KPNA3: variants seen among roughly 807,000 people sequenced by gnomAD.
KPNA3 encodes the protein importin subunit alpha-4.
A neutral mutation model predicts 73.8 loss-of-function variants in KPNA3; 13 were observed. That is an observed-to-expected ratio of 0.18 (90% CI 0.11 to 0.28). The LOEUF is 0.28. KPNA3 is among the 10% of genes least tolerant of loss of function. The pLI, the probability that KPNA3 is intolerant of heterozygous loss-of-function variation, is 1.00. For synonymous variants in KPNA3, 186 were observed against 206.9 expected (o/e 0.90, Z 0.87); for missense variants, 360 against 618.1 (o/e 0.58, Z 4.43).
intron 2 of KPNA3, among the ~76,000 whole-genome samples, chr13:49,734,955 A>C (rs1186081919): frequency 1.2e-4 from 2 of 16,374 alleles, no homozygotes; most frequent in African/African-American, 2.1e-4. Flanking sequence ...AGAGATAGAT[A>C]GAGAGAGAGA....
chr13:49,740,473 G>A (rs1384347650), intron 2 of KPNA3, among the ~76,000 whole-genome samples: 1 of 151,972 alleles, frequency 6.6e-6, no homozygotes, highest in Non-Finnish European at 1.5e-5. Flanking sequence ...TTAAATTATG[G>A]GGGTGGGTCT....
chr13:49,708,128 TGGGACTACA>T (rs1218451285), intron 12 of KPNA3, among the ~76,000 whole-genome samples: 2 of 152,084 alleles, frequency 1.3e-5, no homozygotes, highest in Non-Finnish European at 2.9e-5. Context: ...CCTGAGTAGT[TGGGACTACA>T]GGCGTCTGCT....
intron 2 of KPNA3, among the ~76,000 whole-genome samples, chr13:49,746,460 G>C (rs1954618346): frequency 6.6e-6 from 1 of 152,132 alleles, no homozygotes; most frequent in Admixed American, 6.5e-5. Context: ...CCTGGACAGA[G>C]TGAAACGCTG....
In KPNA3 at chr13:49,792,594, A is replaced by T; in HGVS notation, c.-88T>A. ...GGAGCGGGAGGGGGAGGAGGGGGAGAGCGGGAGGGGGGAGGGGAGAGAAGA... is the reference window on the plus strand; with the variant it reads ...GGAGCGGGAGGGGGAGGAGGGGGAGTGCGGGAGGGGGGAGGGGAGAGAAGA... On this transcript the variant is annotated 5_prime_UTR_variant, in exon 1 of 17. Transcript: ENST00000261667. 1 of 90,480 alleles carries T rather than the reference A, an allele frequency of 1.1e-5. No individual in the cohort carries two copies. The highest frequency in any genetic ancestry group is 2.2e-5 in the Non-Finnish European group (1 of 45,676). 5.6% of individuals were successfully genotyped at this position (90,480 alleles called of 1,614,324 possible). A position where few individuals can be genotyped will look rare whatever the true frequency, so the allele number is the denominator to read the frequency against.
intron 1 of KPNA3, among the ~76,000 whole-genome samples, chr13:49,748,858 A>C (rs1226307355): frequency 6.6e-6 from 1 of 152,180 alleles, no homozygotes; most frequent in Non-Finnish European, 1.5e-5. Flanking sequence ...TGTCTTACGC[A>C]TAAGTTCATA....
At chr13:49,792,031 C>A (rs1955037699) in intron 1 of KPNA3, among the ~76,000 whole-genome samples, 1 of 152,164 alleles carries the variant, frequency 6.6e-6, no homozygotes, top group Non-Finnish European at 1.5e-5. Flanking sequence ...GGGGCTGCAC[C>A]GGACGGAAGG....
At position 49,701,630 on chromosome 13, in the gene KPNA3, T is replaced by C. The variant is rs541607218; in HGVS notation, c.*170A>G. On this transcript the variant is annotated 3_prime_UTR_variant, in exon 17 of 17. Coordinates refer to ENST00000261667, the MANE Select transcript of KPNA3 (RefSeq NM_002267.4). ...GCATATGCATTTACAGTCCATGTGA[T>C]AGTGACTTTTGGCAACTGCAAAGTG... 1.2e-5 allele frequency: 9 copies of C among 753,940 alleles called. No homozygotes were observed. The South Asian group carries it at 1.2e-4, about 10-fold the overall frequency. The allele number at this position is 753,940 out of a possible 1,614,324, so 46.7% of individuals were successfully genotyped here.
intron 1 of KPNA3, among the ~76,000 whole-genome samples, chr13:49,770,102 C>A (rs543766976): frequency 6.8e-6 from 1 of 146,632 alleles, no homozygotes; most frequent in South Asian, 2.3e-4. Flanking sequence ...AGCTGTAGTT[C>A]TTTACAAATT....
chr13:49,714,002 C>T (rs79198496), intron 10 of KPNA3, among the ~76,000 whole-genome samples: 434 of 152,248 alleles, frequency 2.9e-3, no homozygotes, highest in Non-Finnish European at 5.0e-3. Flanking sequence ...AAACGCCTGG[C>T]CTAAACTCAA....
intron 12 of KPNA3, among the ~76,000 whole-genome samples, chr13:49,708,147 T>C (rs9526591): frequency 0.85 from 128,341 of 151,880 alleles, 54,457 homozygotes; most frequent in East Asian, 1. Flanking sequence ...AGGCGTCTGC[T>C]ACCACACCCG....
intron 15 of KPNA3, among the ~76,000 whole-genome samples, chr13:49,704,399 C>T (rs1313026296): frequency 2.1e-5 from 3 of 143,544 alleles, no homozygotes; most frequent in Non-Finnish European, 3.0e-5. Flanking sequence ...GCAACAAGAG[C>T]GAAACTCTGT....
intron 1 of KPNA3, among the ~76,000 whole-genome samples, chr13:49,777,021 G>A (rs1448537224): frequency 6.6e-6 from 1 of 152,102 alleles, no homozygotes; most frequent in East Asian, 1.9e-4. Context: ...TCTACAATCT[G>A]TAGCCCAATA....
Position 49,732,601 on chromosome 13 carries a change from T to C in KPNA3, c.287+4A>G. On this transcript the variant is annotated splice_donor_region_variant and intron_variant, in intron 5 of 16. Transcript: ENST00000261667. ...ATTCTCTCTCTAGACAAATTAGTAT[T>C]TACCTTGCTGCCTGGACAGCACTCA... 3 of 1,604,256 alleles carry C rather than the reference T, an allele frequency of 1.9e-6. No homozygotes were observed. The highest frequency in any genetic ancestry group is 2.6e-6 in the Non-Finnish European group (3 of 1,172,076).
At chr13:49,771,837 G>A (rs1167642039) in intron 1 of KPNA3, among the ~76,000 whole-genome samples, 3 of 151,846 alleles carry the variant, frequency 2.0e-5, no homozygotes, top group African/African-American at 7.3e-5. Context: ...TATTTTTTTT[G>A]TAGTGACGGG....
At chr13:49,785,137 G>A (rs948177236) in intron 1 of KPNA3, among the ~76,000 whole-genome samples, 1 of 152,118 alleles carries the variant, frequency 6.6e-6, no homozygotes, top group Non-Finnish European at 1.5e-5. Context: ...TGTTGCTAGG[G>A]CTTAAGGGGG....
intron 1 of KPNA3, among the ~76,000 whole-genome samples, chr13:49,747,503 G>A (rs1212110146): frequency 6.6e-6 from 1 of 152,130 alleles, no homozygotes; most frequent in African/African-American, 2.4e-5. Flanking sequence ...TGGCCAACAT[G>A]GCAAAACCCC....
chr13:49,786,549 T>C (rs1378994171), intron 1 of KPNA3, among the ~76,000 whole-genome samples: 2 of 152,198 alleles, frequency 1.3e-5, no homozygotes, highest in African/African-American at 2.4e-5. Flanking sequence ...AATTGTAATC[T>C]TGGTGTTCCA....
At chr13:49,734,640 T>C (rs1053003835) in intron 2 of KPNA3, among the ~76,000 whole-genome samples, 10 of 152,206 alleles carry the variant, frequency 6.6e-5, no homozygotes, top group African/African-American at 1.9e-4. Flanking sequence ...CTCTCAAAAC[T>C]GAAATATCCC....
At chr13:49,735,777 TTC>T (rs1479409321) in intron 2 of KPNA3, among the ~76,000 whole-genome samples, 4 of 152,222 alleles carry the variant, frequency 2.6e-5, no homozygotes, top group Non-Finnish European at 4.4e-5. Flanking sequence ...CTTTTGGATC[TTC>T]TGTTTTTTAC....
Sources: allele counts gnomAD v4.1 joint callset (sites outside exome capture counted in the v4.1 genomes callset), GRCh38; gene constraint gnomAD v4.1.1; transcripts MANE v1.5; gene names NCBI Gene and HGNC (gene_info 2026-07-23, HGNC 2026-07-21).